Variants in MACROD2 observed in about 807,000 individuals in gnomAD.
MACROD2 encodes the protein mono-ADP ribosylhydrolase 2, also known as ADP-ribose glycohydrolase MACROD2.
MACROD2 carries 36 observed loss-of-function variants against 70.4 expected under a neutral mutation model. That is an observed-to-expected ratio of 0.51 (90% CI 0.39 to 0.68). The LOEUF (loss-of-function observed/expected upper bound fraction) is 0.68. Among genes scored for constraint, MACROD2 ranks in the 30% least tolerant of loss-of-function variants. The pLI is 0.00. For missense variants in MACROD2, 496 were observed against 538.4 expected (o/e 0.92, Z 0.78); for synonymous variants, 172 against 178.8 (o/e 0.96, Z 0.30).
At chr20:15,922,196 A>C (rs2065419754) in intron 10 of MACROD2, among the ~76,000 whole-genome samples, 1 of 152,232 alleles carries the variant, frequency 6.6e-6, no homozygotes, top group South Asian at 2.1e-4. Context: ...CATCTGTCCC[A>C]CTGGACTCAG....
intron 7 of MACROD2, among the ~76,000 whole-genome samples, chr20:15,459,631 G>A (rs1357478494): frequency 6.6e-6 from 1 of 152,120 alleles, no homozygotes; most frequent in Non-Finnish European, 1.5e-5. Flanking sequence ...AGCTGGGCGA[G>A]GGGAATGGGA....
At chr20:15,590,902 G>C (rs1050135845) in intron 8 of MACROD2, among the ~76,000 whole-genome samples, 2 of 148,378 alleles carry the variant, frequency 1.3e-5, no homozygotes, top group African/African-American at 5.0e-5. Context: ...AGAAAAGAGA[G>C]AGAGAGAGGA....
At chr20:15,892,626 G>A (rs2064907201) in intron 10 of MACROD2, among the ~76,000 whole-genome samples, 1 of 152,210 alleles carries the variant, frequency 6.6e-6, no homozygotes, top group Admixed American at 6.5e-5. Flanking sequence ...AATATTAACA[G>A]GGTTCCCTTA....
chr20:14,917,265 C>T (rs906216357), intron 5 of MACROD2, among the ~76,000 whole-genome samples: 1 of 151,354 alleles, frequency 6.6e-6, no homozygotes, highest in African/African-American at 2.4e-5. Flanking sequence ...CATCGGGTCT[C>T]TATTCTTCCA....
Position 14,818,371 on chromosome 20 carries a change from C to T in MACROD2, c.418+133412C>T, listed in dbSNP as rs1031482204. Among the ~76,000 whole-genome samples the T allele has an allele frequency of 5.3e-5, 8 of 152,226 alleles. No individual in the cohort carries two copies. The East Asian group carries it at 1.2e-3, about 22-fold the overall frequency. ...CTACTACCTTCTGGAGTGGCTTTGG[C>T]TCTTTGTCTGGCATTGAGTTTCTTT... On this transcript the variant is annotated intron_variant, in intron 5 of 17. Transcript: ENST00000684519.
chr20:14,826,236 T>C (rs972078730), intron 5 of MACROD2, among the ~76,000 whole-genome samples: 18 of 148,296 alleles, frequency 1.2e-4, no homozygotes, highest in Non-Finnish European at 1.2e-4. Context: ...AAAAAAAAAA[T>C]GAAACACAAG....
chr20:15,110,009 A>G (rs1471840795), intron 5 of MACROD2, among the ~76,000 whole-genome samples: 4 of 152,190 alleles, frequency 2.6e-5, no homozygotes, highest in Non-Finnish European at 5.9e-5. Flanking sequence ...AAGGAACATG[A>G]TGATGGTTAA....
At chr20:15,656,898 AAAAG>A (rs1366287048) in intron 8 of MACROD2, among the ~76,000 whole-genome samples, 2 of 152,202 alleles carry the variant, frequency 1.3e-5, no homozygotes, top group Non-Finnish European at 2.9e-5. Context: ...ATTAGAAAAA[AAAAG>A]AAGGAATAAT....
chr20:15,597,940 G>A (rs749044807), intron 8 of MACROD2, among the ~76,000 whole-genome samples: 4 of 152,290 alleles, frequency 2.6e-5, no homozygotes, highest in Admixed American at 1.3e-4. Flanking sequence ...TTAGCCAGGC[G>A]TGGTGGTGGG....
chr20:14,684,960 G>A lies in MACROD2; in HGVS notation c.418+1G>A. The A allele has an allele frequency of 6.2e-7, 1 of 1,608,254 alleles. No individual in the cohort carries two copies. The highest frequency in any genetic ancestry group is 8.5e-7 in the Non-Finnish European group (1 of 1,174,782). On this transcript the variant is annotated splice_donor_variant, in intron 5 of 17. Transcript: ENST00000684519. LOFTEE classifies it high-confidence loss of function. ...TGTGGCTATGACCTTCCTGCAAAAT[G>A]TGAGTACAACTGAATACTGTTTCAA... is the stretch of plus-strand genomic sequence containing the variant.
At chr20:14,099,846 C>T (rs562348341) in intron 3 of MACROD2, among the ~76,000 whole-genome samples, 1 of 152,022 alleles carries the variant, frequency 6.6e-6, no homozygotes, top group Non-Finnish European at 1.5e-5. Flanking sequence ...AAAAATAGTG[C>T]ATAAATTAGG....
chr20:14,519,342 A>G lies in MACROD2; in HGVS notation c.301+25834A>G, dbSNP rs988717807. On this transcript the variant is annotated intron_variant, in intron 4 of 17. Coordinates refer to ENST00000684519, the MANE Select transcript of MACROD2 (RefSeq NM_001351661.2). The stretch of plus-strand genomic sequence containing the variant: ...TGAAGTGTCCCAAACTGTAGGGAAT[A>G]AGATCAGAATGTGTAGGGTTTTTAG... 7.9e-5 allele frequency among the ~76,000 whole-genome samples: 12 copies of G among 152,188 alleles called. 1 individual carries two copies. The highest frequency in any genetic ancestry group is 2.9e-4 in the African/African-American group (12 of 41,448).
chr20:14,341,079 G>T (rs1011660246), intron 3 of MACROD2, among the ~76,000 whole-genome samples: 1 of 152,126 alleles, frequency 6.6e-6, no homozygotes, highest in Admixed American at 6.5e-5. Flanking sequence ...TACAATTCAG[G>T]TCTGTCTAGA....
intron 4 of MACROD2, among the ~76,000 whole-genome samples, chr20:14,577,608 T>G (rs1980683980): frequency 6.6e-6 from 1 of 151,924 alleles, no homozygotes; most frequent in African/African-American, 2.4e-5. Context: ...AGTGAGACCC[T>G]ATCTCAAAAA....
At chr20:14,854,159 T>A (rs1445799991) in intron 5 of MACROD2, among the ~76,000 whole-genome samples, 1 of 152,094 alleles carries the variant, frequency 6.6e-6, no homozygotes, top group Non-Finnish European at 1.5e-5. Flanking sequence ...TCAGAGAATG[T>A]CGATAGCTTT....
At chr20:14,890,418 T>C (rs1207268712) in intron 5 of MACROD2, among the ~76,000 whole-genome samples, 1 of 151,978 alleles carries the variant, frequency 6.6e-6, no homozygotes, top group Non-Finnish European at 1.5e-5. Context: ...CAAGAGAAGA[T>C]GCTATCTTGG....
intron 3 of MACROD2, among the ~76,000 whole-genome samples, chr20:14,160,142 T>G (rs540143851): frequency 6.6e-6 from 1 of 152,314 alleles, no homozygotes; most frequent in Non-Finnish European, 1.5e-5. Context: ...GATGAGGACT[T>G]TTACCTCTAT....
At chr20:15,152,277 C>T (rs1043701194) in intron 5 of MACROD2, among the ~76,000 whole-genome samples, 3 of 151,656 alleles carry the variant, frequency 2.0e-5, no homozygotes, top group Non-Finnish European at 4.4e-5. Context: ...CTTAAGAACG[C>T]AGGCTAAGGG....
intron 5 of MACROD2, among the ~76,000 whole-genome samples, chr20:15,130,265 CATCCATCCATCT>C (rs2123273841): frequency 6.6e-6 from 1 of 152,054 alleles, no homozygotes; most frequent in African/African-American, 2.4e-5. Flanking sequence ...TCCATCCACC[CATCCATCCATCT>C]AGTCCAAGGA....
Sources: gnomAD v4.1 joint callset for allele counts (sites outside exome capture counted in the v4.1 genomes callset) on GRCh38, gnomAD v4.1.1 for gene constraint, MANE v1.5 for transcripts, NCBI Gene and HGNC (gene_info 2026-07-23, HGNC 2026-07-21) for gene names.